PTPRD: variants seen among roughly 807,000 people sequenced by gnomAD.
PTPRD encodes receptor-type tyrosine-protein phosphatase delta.
PTPRD carries 34 observed loss-of-function variants against 214.5 expected under a neutral mutation model. That is an observed-to-expected ratio of 0.16 (90% CI 0.12 to 0.21). The LOEUF is 0.21. PTPRD is among the 10% of genes least tolerant of loss of function. The pLI, the probability that PTPRD is intolerant of heterozygous loss-of-function variation, is 1.00. For missense variants in PTPRD, 2,545 were observed against 2,398.7 expected, an observed-to-expected ratio of 1.06 and a Z score of -1.27; for synonymous variants, 1,128 against 845.7, an observed-to-expected ratio of 1.33 and a Z score of -5.79.
chr9:10,550,907 C>T (rs190260255), intron 2 of PTPRD, among the ~76,000 whole-genome samples: 55 of 152,274 alleles, frequency 3.6e-4, no homozygotes, highest in African/African-American at 1.3e-3. Context: ...GTTCCCATGG[C>T]CTTATTCACT....
At position 10,396,461 on chromosome 9, in the gene PTPRD, T is replaced by G. The variant is rs116099135; in HGVS notation, c.-599-55444A>C. ...ATGTTGATTATTTAGGATCTAATTATCTAAATTATTCATCATCCTTTCTTT... is the reference window on the plus strand; with the variant it reads ...ATGTTGATTATTTAGGATCTAATTAGCTAAATTATTCATCATCCTTTCTTT... On this transcript the variant is annotated intron_variant, in intron 2 of 45. Transcript: ENST00000381196. Among the ~76,000 whole-genome samples the G allele has an allele frequency of 7.8e-3, 1,181 of 152,086 alleles. 23 individuals are homozygous for G. Among genetic ancestry groups the G allele is most frequent in the African/African-American group, 0.027 (1,122 of 41,532 alleles).
intron 4 of PTPRD, among the ~76,000 whole-genome samples, chr9:9,985,701 A>T (rs2095686256): frequency 6.6e-6 from 1 of 152,018 alleles, no homozygotes; most frequent in Admixed American, 6.6e-5. Flanking sequence ...TTATGTCCAC[A>T]TGGCATAAAT....
intron 11 of PTPRD, among the ~76,000 whole-genome samples, chr9:8,982,699 C>T (rs2099319319): frequency 6.6e-6 from 1 of 151,986 alleles, no homozygotes; most frequent in African/African-American, 2.4e-5. Flanking sequence ...TCATTCCTAT[C>T]TGCAAGTTCA....
chr9:8,835,121 G>T (rs2097386566), intron 11 of PTPRD, among the ~76,000 whole-genome samples: 1 of 152,300 alleles, frequency 6.6e-6, no homozygotes, highest in Middle Eastern at 3.4e-3. Flanking sequence ...CAGAATCAGA[G>T]AGTCAGCAAA....
chr9:9,823,598 G>A (rs1047884947), intron 5 of PTPRD, among the ~76,000 whole-genome samples: 34 of 151,994 alleles, frequency 2.2e-4, no homozygotes, highest in African/African-American at 8.2e-4. Context: ...TGGAACTAGA[G>A]AAAATTATGT....
chr9:10,143,285 A>C (rs1460745868), intron 3 of PTPRD, among the ~76,000 whole-genome samples: 1 of 151,600 alleles, frequency 6.6e-6, no homozygotes, highest in African/African-American at 2.4e-5. Context: ...AATAATAAAT[A>C]AAATAAAATA....
intron 5 of PTPRD, among the ~76,000 whole-genome samples, chr9:9,801,865 A>G (rs1175321667): frequency 6.6e-6 from 1 of 152,060 alleles, no homozygotes. Flanking sequence ...ATCAGGATAC[A>G]TGTTGGCACA....
chr9:9,448,658 C>A (rs146406264), intron 8 of PTPRD, among the ~76,000 whole-genome samples: 1 of 151,958 alleles, frequency 6.6e-6, no homozygotes, highest in East Asian at 1.9e-4. Flanking sequence ...AAGAGTTACA[C>A]ACATAATAGG....
intron 7 of PTPRD, among the ~76,000 whole-genome samples, chr9:9,626,375 T>C (rs920871067): frequency 6.6e-6 from 1 of 152,172 alleles, no homozygotes; most frequent in South Asian, 2.1e-4. Flanking sequence ...GCAGCCAGCA[T>C]AGTGCCTAAC....
intron 2 of PTPRD, among the ~76,000 whole-genome samples, chr9:10,378,646 G>C (rs2097770479): frequency 6.6e-6 from 1 of 151,826 alleles, no homozygotes; most frequent in Admixed American, 6.6e-5. Flanking sequence ...ACTTGTTTCT[G>C]GGTTCTCTAT....
intron 8 of PTPRD, among the ~76,000 whole-genome samples, chr9:9,504,925 G>C (rs544531868): frequency 2.1e-4 from 32 of 151,694 alleles, no homozygotes; most frequent in African/African-American, 7.7e-4. Context: ...ACTTAATAAT[G>C]ATTGCAGTAG....
At chr9:9,345,687 A>T (rs2048526628) in intron 9 of PTPRD, among the ~76,000 whole-genome samples, 1 of 152,096 alleles carries the variant, frequency 6.6e-6, no homozygotes, top group Non-Finnish European at 1.5e-5. Context: ...CTAGATGCAA[A>T]TCCTGATCAT....
intron 5 of PTPRD, among the ~76,000 whole-genome samples, chr9:9,803,426 T>C (rs1598300567): frequency 6.6e-6 from 1 of 152,112 alleles, no homozygotes; most frequent in East Asian, 1.9e-4. Context: ...TCAGAAATAA[T>C]TATTTATTTT....
chr9:8,766,471 T>TTC (rs1259209187), intron 11 of PTPRD, among the ~76,000 whole-genome samples: 1 of 152,132 alleles, frequency 6.6e-6, no homozygotes. Context: ...TGAACTTGAA[T>TTC]AAGTGCATTG....
chr9:8,604,396 A>C (rs1323135331), intron 14 of PTPRD, among the ~76,000 whole-genome samples: 1 of 152,188 alleles, frequency 6.6e-6, no homozygotes, highest in African/African-American at 2.4e-5. Context: ...GAAAGGAAGA[A>C]GACTTACTAA....
chr9:9,895,884 G>A (rs892584844), intron 5 of PTPRD, among the ~76,000 whole-genome samples: 1 of 151,862 alleles, frequency 6.6e-6, no homozygotes, highest in Non-Finnish European at 1.5e-5. Flanking sequence ...TATCACGAAG[G>A]TGATGAATAA....
At chr9:9,917,771 T>C (rs1286123858) in intron 5 of PTPRD, among the ~76,000 whole-genome samples, 8 of 151,938 alleles carry the variant, frequency 5.3e-5, no homozygotes, top group Non-Finnish European at 1.5e-5. Context: ...ATCTCAGAAA[T>C]GCAAGGATGG....
intron 3 of PTPRD, among the ~76,000 whole-genome samples, chr9:10,332,329 G>A (rs917361431): frequency 2.0e-5 from 3 of 151,772 alleles, no homozygotes; most frequent in Non-Finnish European, 2.9e-5. Context: ...ACAGGGTTTC[G>A]AAGAGGAGAG....
chr9:9,383,617 T>C (rs1221291321), intron 9 of PTPRD, among the ~76,000 whole-genome samples: 1 of 152,158 alleles, frequency 6.6e-6, no homozygotes, highest in Non-Finnish European at 1.5e-5. Context: ...GATTCATATA[T>C]TGTCACTTTT....
Sources: gnomAD v4.1 joint callset for allele counts (sites outside exome capture counted in the v4.1 genomes callset) on GRCh38, gnomAD v4.1.1 for gene constraint, MANE v1.5 for transcripts, NCBI Gene and HGNC (gene_info 2026-07-23, HGNC 2026-07-21) for gene names.